AKAP13: variants seen among roughly 807,000 people sequenced by gnomAD.
AKAP13 encodes A-kinase anchoring protein 13.
AKAP13 carries 80 observed loss-of-function variants against 264.5 expected under a neutral mutation model. That is an observed-to-expected ratio of 0.30 (90% CI 0.25 to 0.36). The LOEUF is 0.36. Ranked by LOEUF, AKAP13 falls within the 10% of genes least tolerant of loss-of-function variation. The pLI is 1.00. For missense variants in AKAP13, 3,712 were observed against 3,435.2 expected (o/e 1.08, Z -2.01); for synonymous variants, 1,380 against 1,250.2 (o/e 1.10, Z -2.19).
intron 1 of AKAP13, among the ~76,000 whole-genome samples, chr15:85,399,833 T>C (rs774345147): frequency 6.6e-6 from 1 of 152,218 alleles, no homozygotes; most frequent in African/African-American, 2.4e-5. Context: ...GTATTTGAGA[T>C]AAGATTTAGA....
intron 16 of AKAP13, among the ~76,000 whole-genome samples, chr15:85,688,893 G>C (rs1567196635): frequency 6.6e-6 from 1 of 152,196 alleles, no homozygotes; most frequent in Non-Finnish European, 1.5e-5. Flanking sequence ...TAGTATCTTT[G>C]AGAGATAGTG....
At chr15:85,472,353 AAAAC>A (rs1462898676) in intron 1 of AKAP13, among the ~76,000 whole-genome samples, 2 of 151,990 alleles carry the variant, frequency 1.3e-5, no homozygotes, top group East Asian at 1.9e-4. Context: ...AAAAAAAAAA[AAAAC>A]AAAGACAACA....
chr15:85,445,844 TG>T (rs572188365), intron 1 of AKAP13, among the ~76,000 whole-genome samples: 12 of 152,224 alleles, frequency 7.9e-5, no homozygotes, highest in African/African-American at 1.2e-4. Flanking sequence ...TTAATTTCTA[TG>T]GATACATAAT....
chr15:85,469,427 A>T (rs899568374), intron 1 of AKAP13, among the ~76,000 whole-genome samples: 1 of 152,178 alleles, frequency 6.6e-6, no homozygotes, highest in Non-Finnish European at 1.5e-5. Context: ...AGGTAGTTCC[A>T]GATTGTGACA....
intron 8 of AKAP13, among the ~76,000 whole-genome samples, chr15:85,637,555 A>G (rs1382370685): frequency 2.0e-5 from 3 of 151,942 alleles, no homozygotes; most frequent in Non-Finnish European, 2.9e-5. Flanking sequence ...TTGTATTGAT[A>G]TTATTGACCC....
intron 1 of AKAP13, chr15:85,389,688 A>G (rs2150799335): frequency 6.6e-6 from 1 of 152,358 alleles, no homozygotes; most frequent in East Asian, 1.9e-4. Context: ...TGTGGGAAAT[A>G]CAAAACAATG....
chr15:85,511,243 GT>G (rs1189141768), intron 2 of AKAP13, among the ~76,000 whole-genome samples: 1 of 152,046 alleles, frequency 6.6e-6, no homozygotes, highest in Non-Finnish European at 1.5e-5. Flanking sequence ...TGTTTGGCCT[GT>G]TTCTCTGGAT....
intron 29 of AKAP13, among the ~76,000 whole-genome samples, chr15:85,729,081 A>ACC (rs1356451164): frequency 3.9e-5 from 6 of 151,978 alleles, no homozygotes; most frequent in East Asian, 3.9e-4. Context: ...CGGGCGGATC[A>ACC]CAAGGTCAGG....
rs1234927200 is a variant in AKAP13 at position 85,659,828 on chromosome 15, A to G, written c.4799+1238A>G. ...TAATTTAAAATTTTATAAAATTGAA[A>G]CATTACAACAGGTATTATAAGGCAG... On this transcript the variant is annotated intron_variant, in intron 12 of 36. Transcript: ENST00000394518. Among the ~76,000 whole-genome samples, 3 of 152,310 alleles carry G rather than the reference A, an allele frequency of 2.0e-5. No individual in the cohort carries two copies. In the East Asian group the frequency reaches 5.8e-4, roughly 29 times the overall value.
chr15:85,649,995 A>T (rs1427834582), intron 10 of AKAP13, among the ~76,000 whole-genome samples: 1 of 152,162 alleles, frequency 6.6e-6, no homozygotes, highest in Non-Finnish European at 1.5e-5. Flanking sequence ...TCTACAATTG[A>T]TTTAAAAAAA....
intron 1 of AKAP13, among the ~76,000 whole-genome samples, chr15:85,404,246 T>C (rs1390143595): frequency 6.6e-6 from 1 of 152,242 alleles, no homozygotes. Flanking sequence ...AGCTGTCACC[T>C]GTTTTATGTT....
intron 2 of AKAP13, among the ~76,000 whole-genome samples, chr15:85,512,314 G>A (rs1016305097): frequency 5.9e-5 from 9 of 152,110 alleles, no homozygotes; most frequent in Non-Finnish European, 1.3e-4. Flanking sequence ...CAACACGTTT[G>A]GGTTTGGGTT....
Position 85,735,765 on chromosome 15 carries a change from T to A in AKAP13, c.7512+135T>A, listed in dbSNP as rs111982323. 1,861 of 979,274 alleles carry A rather than the reference T, an allele frequency of 1.9e-3. 26 individuals are homozygous for A. In the African/African-American group the frequency reaches 0.027, roughly 14 times the overall value. The allele number at this position is 979,274 out of a possible 1,614,324, so 60.7% of individuals were successfully genotyped here. Reference sequence around the variant, plus strand: ...TTAATAAAATTATTTTCAGGGAAAATCACATTTTTAAAACAAATAGTACAG... The same window carrying A: ...TTAATAAAATTATTTTCAGGGAAAAACACATTTTTAAAACAAATAGTACAG... On this transcript the variant is annotated intron_variant, in intron 32 of 36. Transcript: ENST00000394518.
intron 2 of AKAP13, among the ~76,000 whole-genome samples, chr15:85,497,922 AG>A (rs1189973676): frequency 6.6e-6 from 1 of 152,140 alleles, no homozygotes; most frequent in Non-Finnish European, 1.5e-5. Flanking sequence ...GCTGTCAAGT[AG>A]GTAGGCCTAT....
intron 1 of AKAP13, among the ~76,000 whole-genome samples, chr15:85,476,424 GAT>G (rs764706395): frequency 6.6e-6 from 1 of 152,216 alleles, no homozygotes; most frequent in Non-Finnish European, 1.5e-5. Context: ...TGTCCTGAGA[GAT>G]GTGGTAGCTG....
chr15:85,728,812 G>T (rs1427123865), intron 29 of AKAP13, among the ~76,000 whole-genome samples: 3 of 151,800 alleles, frequency 2.0e-5, no homozygotes, highest in Admixed American at 2.0e-4. Context: ...AATGCACCAG[G>T]TATTAAAAGG....
intron 1 of AKAP13, among the ~76,000 whole-genome samples, chr15:85,464,743 A>G (rs547421110): frequency 1.8e-4 from 28 of 152,314 alleles, no homozygotes; most frequent in African/African-American, 6.7e-4. Context: ...AGTCAGGACT[A>G]TTAACAAATT....
intron 5 of AKAP13, among the ~76,000 whole-genome samples, chr15:85,567,943 T>TGG (rs2078666084): frequency 2.4e-5 from 2 of 83,530 alleles, no homozygotes; most frequent in East Asian, 4.2e-4. Flanking sequence ...CCCAAAGAGG[T>TGG]GTGTGTGTGT....
chr15:85,400,398 A>G (rs1455858127), intron 1 of AKAP13, among the ~76,000 whole-genome samples: 1 of 152,148 alleles, frequency 6.6e-6, no homozygotes, highest in Non-Finnish European at 1.5e-5. Context: ...GTGACAAAGC[A>G]AGATCCTGTC....
Sources: gnomAD v4.1 joint callset for allele counts (sites outside exome capture counted in the v4.1 genomes callset) on GRCh38, gnomAD v4.1.1 for gene constraint, MANE v1.5 for transcripts, NCBI Gene and HGNC (gene_info 2026-07-23, HGNC 2026-07-21) for gene names.